Variants in GALNT17 observed in about 807,000 individuals in gnomAD.
GALNT17 encodes UDP-GalNAc:polypeptide N-acetylgalactosaminyltransferase-like 3.
In GALNT17, 29 loss-of-function variants were observed where a neutral mutation model predicts 63.7. That is an observed-to-expected ratio of 0.46 (90% CI 0.34 to 0.62). GALNT17 has a LOEUF of 0.62. Among genes scored for constraint, GALNT17 ranks in the 20% least tolerant of loss-of-function variants. The pLI, the probability that GALNT17 is intolerant of heterozygous loss-of-function variation, is 0.01. For missense variants in GALNT17, 603 were observed against 799.6 expected, an observed-to-expected ratio of 0.75 and a Z score of 2.97; for synonymous variants, 305 against 318.3, an observed-to-expected ratio of 0.96 and a Z score of 0.45.
chr7:71,662,318 T>TTATCTGTCTATCTATC (rs1790919112), intron 6 of GALNT17, among the ~76,000 whole-genome samples: 1 of 150,942 alleles, frequency 6.6e-6, no homozygotes, highest in African/African-American at 2.4e-5. Context: ...ATCTCTCTGT[T>TTATCTGTCTATCTATC]TATCTATCTA....
intron 5 of GALNT17, among the ~76,000 whole-genome samples, chr7:71,441,806 A>G (rs935149991): frequency 2.0e-5 from 3 of 152,226 alleles, no homozygotes; most frequent in South Asian, 2.1e-4. Flanking sequence ...TGCAAAGGAC[A>G]TGAACTCATT....
At chr7:71,300,240 A>G (rs1791169673) in intron 1 of GALNT17, 1 of 287,736 alleles carries the variant, frequency 3.5e-6, no homozygotes, top group Non-Finnish European at 7.0e-6. Flanking sequence ...GACTCCTTTT[A>G]GTAATTTAGG....
At chr7:71,352,370 A>ATAT (rs1251375906) in intron 2 of GALNT17, among the ~76,000 whole-genome samples, 2 of 152,198 alleles carry the variant, frequency 1.3e-5, no homozygotes, top group African/African-American at 4.8e-5. Context: ...AAAAGAACTA[A>ATAT]TATACATAGT....
intron 5 of GALNT17, among the ~76,000 whole-genome samples, chr7:71,488,031 G>A (rs373744498): frequency 1.4e-4 from 21 of 152,200 alleles, no homozygotes; most frequent in East Asian, 3.9e-4. Flanking sequence ...TTAACTGGGC[G>A]TGGTGGTGCA....
rs756664335 is a variant in GALNT17 at position 71,235,813 on chromosome 7, G to A, written c.239-99737G>A. ...CTCAAGCTCCACTCCTTCTTCATGG[G>A]GACAAGCTCCACTCCTTCTTCCTTC... On this transcript the variant is annotated intron_variant, in intron 1 of 10. Coordinates refer to ENST00000333538, the MANE Select transcript of GALNT17 (RefSeq NM_022479.3). Among the ~76,000 whole-genome samples the A allele has an allele frequency of 1.8e-3, 281 of 152,268 alleles. 1 individual carries two copies. Among genetic ancestry groups the A allele is most frequent in the Non-Finnish European group, 2.5e-3 (169 of 68,024 alleles).
In GALNT17 at chr7:71,338,661, C is replaced by T. The variant is rs546700682; in HGVS notation, c.422+2928C>T. On this transcript the variant is annotated intron_variant, in intron 2 of 10. Transcript: ENST00000333538. Reference sequence around the variant, plus strand: ...TGTCAAGATGCTGGAGAGAAAACCCCTGTGTTCCAGGCAGAACTCCACCTC... The same window carrying T: ...TGTCAAGATGCTGGAGAGAAAACCCTTGTGTTCCAGGCAGAACTCCACCTC... Among the ~76,000 whole-genome samples the T allele has an allele frequency of 9.2e-5, 14 of 152,268 alleles. No individual in the cohort carries two copies. In the East Asian group the frequency reaches 2.1e-3, roughly 23 times the overall value.
intron 2 of GALNT17, among the ~76,000 whole-genome samples, chr7:71,337,608 G>A (rs1393375864): frequency 2.6e-5 from 4 of 152,128 alleles, no homozygotes; most frequent in Non-Finnish European, 5.9e-5. Context: ...GGTGGCTCAC[G>A]CCTGTAATCC....
chr7:71,564,243 C>T (rs73185176), intron 5 of GALNT17, among the ~76,000 whole-genome samples: 8 of 149,114 alleles, frequency 5.4e-5, no homozygotes, highest in South Asian at 2.1e-4. Flanking sequence ...TTGATCGTGA[C>T]GGGCAATTTT....
At chr7:71,202,715 G>A (rs1789197389) in intron 1 of GALNT17, among the ~76,000 whole-genome samples, 1 of 152,150 alleles carries the variant, frequency 6.6e-6, no homozygotes, top group South Asian at 2.1e-4. Context: ...TCACCGTGCT[G>A]TGATATTTCC....
chr7:71,633,084 A>G (rs1277136674), intron 6 of GALNT17, among the ~76,000 whole-genome samples: 1 of 140,674 alleles, frequency 7.1e-6, no homozygotes, highest in East Asian at 2.2e-4. Flanking sequence ...AGCCTGGGCG[A>G]CAGAGTGAGA....
At chr7:71,643,449 CA>C (rs1790631942) in intron 6 of GALNT17, among the ~76,000 whole-genome samples, 1 of 152,118 alleles carries the variant, frequency 6.6e-6, no homozygotes. Context: ...ACCTGGGCCA[CA>C]GAGCGAGACT....
chr7:71,709,729 G>T (rs1346118703), intron 9 of GALNT17, among the ~76,000 whole-genome samples: 1 of 152,026 alleles, frequency 6.6e-6, no homozygotes, highest in African/African-American at 2.4e-5. Flanking sequence ...CTCCTGAATA[G>T]CTTGGATTAT....
intron 6 of GALNT17, among the ~76,000 whole-genome samples, chr7:71,648,666 G>A (rs1584111745): frequency 2.6e-5 from 4 of 152,138 alleles, no homozygotes; most frequent in East Asian, 1.9e-4. Context: ...TGAACTCTCG[G>A]TCTCAAGTGA....
chr7:71,137,209 G>A (rs1253110995), intron 1 of GALNT17, among the ~76,000 whole-genome samples: 1 of 145,176 alleles, frequency 6.9e-6, no homozygotes, highest in Non-Finnish European at 1.5e-5. Flanking sequence ...GCGCGATCTC[G>A]GCTCACTGCA....
chr7:71,331,414 G>A (rs779775621), intron 1 of GALNT17, among the ~76,000 whole-genome samples: 1 of 152,080 alleles, frequency 6.6e-6, no homozygotes, highest in African/African-American at 2.4e-5. Flanking sequence ...CCTTTAAAAA[G>A]TTCCTATATT....
At chr7:71,384,682 A>C (rs2116330151) in intron 2 of GALNT17, among the ~76,000 whole-genome samples, 1 of 152,310 alleles carries the variant, frequency 6.6e-6, no homozygotes, top group South Asian at 2.1e-4. Context: ...GAATTTGCAG[A>C]GCCTGGTGTG....
chr7:71,423,762 T>G (rs1563081976), intron 5 of GALNT17, among the ~76,000 whole-genome samples: 1 of 146,720 alleles, frequency 6.8e-6, no homozygotes. Context: ...GAAATAAAAT[T>G]AAAAAAAAAA....
At chr7:71,137,579 T>C (rs756360799) in intron 1 of GALNT17, among the ~76,000 whole-genome samples, 6 of 152,022 alleles carry the variant, frequency 3.9e-5, no homozygotes, top group African/African-American at 9.7e-5. Flanking sequence ...GGAAATAACC[T>C]CAAGGCTGTA....
intron 6 of GALNT17, among the ~76,000 whole-genome samples, chr7:71,659,240 T>C (rs1790871415): frequency 6.6e-6 from 1 of 152,254 alleles, no homozygotes; most frequent in African/African-American, 2.4e-5. Context: ...CTTTCAGCTC[T>C]TTGAATATCC....
Sources: gnomAD v4.1 joint callset for allele counts (sites outside exome capture counted in the v4.1 genomes callset) on GRCh38, gnomAD v4.1.1 for gene constraint, MANE v1.5 for transcripts, NCBI Gene and HGNC (gene_info 2026-07-23, HGNC 2026-07-21) for gene names.